Variants in HEPHL1 observed in about 807,000 individuals in gnomAD.
The protein encoded by HEPHL1 is ferroxidase HEPHL1.
Under a neutral mutation model 122.0 loss-of-function variants are expected in HEPHL1, and 123 were observed. That is an observed-to-expected ratio of 1.01 (90% confidence interval 0.87 to 1.17). HEPHL1 has a LOEUF of 1.17. Ranked by LOEUF, HEPHL1 falls within the 50% of genes most tolerant of loss-of-function variation. HEPHL1 has a pLI of 0.00. For missense variants in HEPHL1, 1,452 were observed against 1,430.5 expected (o/e 1.01, Z -0.24); for synonymous variants, 527 against 508.9 (o/e 1.04, Z -0.48).
chr11:94,083,818 T>C (rs1946194124), intron 10 of HEPHL1, among the ~76,000 whole-genome samples: 1 of 152,156 alleles, frequency 6.6e-6, no homozygotes, highest in Admixed American at 6.5e-5. Flanking sequence ...ATATGAATAT[T>C]GTTTCCAAAC....
intron 5 of HEPHL1, among the ~76,000 whole-genome samples, chr11:94,068,202 A>G (rs537496449): frequency 7.6e-4 from 116 of 152,346 alleles, no homozygotes; most frequent in African/African-American, 2.7e-3. Flanking sequence ...AGGAAGCAGC[A>G]TGAACTGGGA....
intron 11 of HEPHL1, among the ~76,000 whole-genome samples, chr11:94,087,938 T>C (rs1020067906): frequency 3.3e-5 from 5 of 152,170 alleles, no homozygotes; most frequent in African/African-American, 9.7e-5. Context: ...GGTACACTCA[T>C]CCCTCACCTC....
chr11:94,099,631 C>A (rs61588340), intron 13 of HEPHL1, among the ~76,000 whole-genome samples: 1 of 152,200 alleles, frequency 6.6e-6, no homozygotes, highest in Non-Finnish European at 1.5e-5. Context: ...CAGAGGCAGG[C>A]AGGCCTCCTC....
chr11:94,087,998 A>G (rs960963393), intron 11 of HEPHL1, among the ~76,000 whole-genome samples: 1 of 152,196 alleles, frequency 6.6e-6, no homozygotes, highest in African/African-American at 2.4e-5. Flanking sequence ...TTGATCCAAT[A>G]TTTTCATTGA....
chr11:94,106,275 C>T, intron 17 of HEPHL1, 145 bp downstream of exon 17: 1 of 550,054 alleles, frequency 1.8e-6, no homozygotes, highest in East Asian at 3.2e-5. Flanking sequence ...TACCGTTTCC[C>T]TGGTGGATAT....
At chr11:94,034,718 ACAGGCAAG>A (rs1945705654) in intron 1 of HEPHL1, among the ~76,000 whole-genome samples, 1 of 152,186 alleles carries the variant, frequency 6.6e-6, no homozygotes, top group South Asian at 2.1e-4. Context: ...CCCAGACTAG[ACAGGCAAG>A]CAGATGCCAC....
At chr11:94,097,470 G>GTGCT (rs1228431649) in intron 13 of HEPHL1, among the ~76,000 whole-genome samples, 5 of 152,196 alleles carry the variant, frequency 3.3e-5, no homozygotes, top group Admixed American at 6.5e-5. Flanking sequence ...GTGCGATGTG[G>GTGCT]TGCTGAGAAG....
chr11:94,056,405 T>C (rs1317358232), intron 2 of HEPHL1, among the ~76,000 whole-genome samples: 2 of 152,210 alleles, frequency 1.3e-5, no homozygotes, highest in African/African-American at 2.4e-5. Context: ...TTTCTATATG[T>C]CTTCTGTATT....
At chr11:94,052,503 T>C (rs1434318832) in intron 2 of HEPHL1, among the ~76,000 whole-genome samples, 2 of 152,162 alleles carry the variant, frequency 1.3e-5, no homozygotes, top group Admixed American at 6.5e-5. Flanking sequence ...TAAGTTATAA[T>C]AGTTTTTGGT....
chr11:94,037,854 A>G (rs1449711141), intron 1 of HEPHL1, among the ~76,000 whole-genome samples: 1 of 151,948 alleles, frequency 6.6e-6, no homozygotes, highest in African/African-American at 2.4e-5. Flanking sequence ...CCAGCAACGG[A>G]ACAAAGCTGG....
At chr11:94,080,034 G>T (rs1246082417) in intron 9 of HEPHL1, among the ~76,000 whole-genome samples, 1 of 152,110 alleles carries the variant, frequency 6.6e-6, no homozygotes, top group African/African-American at 2.4e-5. Flanking sequence ...CATACTACCC[G>T]ACTTCAAACT....
chr11:94,062,992 A>C (rs1400882728), intron 2 of HEPHL1, among the ~76,000 whole-genome samples: 1 of 152,164 alleles, frequency 6.6e-6, no homozygotes, highest in Non-Finnish European at 1.5e-5. Context: ...CCATGTGTTT[A>C]ATACGTATTC....
intron 17 of HEPHL1, among the ~76,000 whole-genome samples, chr11:94,109,687 AC>A (rs1259069595): frequency 6.6e-6 from 1 of 152,140 alleles, no homozygotes; most frequent in African/African-American, 2.4e-5. Flanking sequence ...CCCAGGATAA[AC>A]CTTACTTGGT....
chr11:94,032,732 T>G (rs562771605), intron 1 of HEPHL1, among the ~76,000 whole-genome samples: 1 of 152,198 alleles, frequency 6.6e-6, no homozygotes, highest in South Asian at 2.1e-4. Context: ...TTGGTCACAG[T>G]CAGTGCCAGG....
At chr11:94,044,294 T>C (rs1010819342) in intron 1 of HEPHL1, among the ~76,000 whole-genome samples, 1 of 152,110 alleles carries the variant, frequency 6.6e-6, no homozygotes, top group Non-Finnish European at 1.5e-5. Flanking sequence ...ATTCTGTTTT[T>C]CTCATGTCCA....
chr11:94,109,468 T>A (rs1946432043), intron 17 of HEPHL1, among the ~76,000 whole-genome samples: 1 of 152,302 alleles, frequency 6.6e-6, no homozygotes, highest in Admixed American at 6.5e-5. Flanking sequence ...CACCTTTGAA[T>A]ATAAAGTTAG....
intron 2 of HEPHL1, chr11:94,056,084 A>G (rs1461358095): frequency 1.2e-5 from 4 of 327,924 alleles, no homozygotes; most frequent in Non-Finnish European, 2.3e-5. Context: ...GAATACATTT[A>G]TAATGTTATA....
intron 13 of HEPHL1, among the ~76,000 whole-genome samples, 180 bp from the exon 14 acceptor site, chr11:94,101,015 C>CT (rs1946363201): frequency 6.6e-6 from 1 of 152,182 alleles, no homozygotes; most frequent in Non-Finnish European, 1.5e-5. Flanking sequence ...TTGCTAAAGA[C>CT]TACATGATAT....
chr11:94,073,294 G>C lies in HEPHL1; in HGVS notation c.1373-14G>C. The C allele has an allele frequency of 6.2e-7, 1 of 1,609,586 alleles. No individual in the cohort carries two copies. Among genetic ancestry groups the C allele is most frequent in the South Asian group, 1.1e-5 (1 of 90,152 alleles). The stretch of plus-strand genomic sequence containing the variant: ...TTCATTCTCTTCTCTCTCTTCTTCT[G>C]GATATTTTTTCAGGCCCAGTCATCA... On this transcript the variant is annotated splice_polypyrimidine_tract_variant and intron_variant, in intron 7 of 19. Transcript: ENST00000315765.
Sources: gnomAD v4.1 joint callset for allele counts (sites outside exome capture counted in the v4.1 genomes callset) on GRCh38, gnomAD v4.1.1 for gene constraint, MANE v1.5 for transcripts, NCBI Gene and HGNC (gene_info 2026-07-23, HGNC 2026-07-21) for gene names.